The following CDC14A variants were observed in gnomAD, a reference collection of about 807,000 sequenced individuals.
The protein encoded by CDC14A is cell division cycle 14A.
In CDC14A, 53 loss-of-function variants were observed where a neutral mutation model predicts 74.4. That is an observed-to-expected ratio of 0.71 (90% CI 0.57 to 0.89). The LOEUF (loss-of-function observed/expected upper bound fraction) is 0.89, where lower values mean the gene tolerates loss of function less well. Ranked by LOEUF, CDC14A falls within the 40% of genes least tolerant of loss-of-function variation. CDC14A has a pLI of 0.00. For synonymous variants in CDC14A, 247 were observed against 258.4 expected (o/e 0.96, Z 0.43); for missense variants, 646 against 713.7 (o/e 0.91, Z 1.08).
intron 11 of CDC14A, among the ~76,000 whole-genome samples, chr1:100,491,572 ATTTTT>A (rs59429516): frequency 1.6e-4 from 4 of 25,104 alleles, no homozygotes; most frequent in Admixed American, 6.1e-4. Flanking sequence ...ATATATATAT[ATTTTT>A]TTTTTTTTTT....
intron 4 of CDC14A, among the ~76,000 whole-genome samples, chr1:100,398,739 G>A (rs1333669144): frequency 6.6e-6 from 1 of 152,064 alleles, no homozygotes; most frequent in African/African-American, 2.4e-5. Context: ...TCTAACAAAT[G>A]TTTTTTTGAG....
chr1:100,350,769 C>T (rs1275486554), upstream of CDC14A, among the ~76,000 whole-genome samples: 1 of 152,330 alleles, frequency 6.6e-6, no homozygotes, highest in African/African-American at 2.4e-5. Flanking sequence ...TTTAAATCAG[C>T]ATCTTCGGAA....
intron 8 of CDC14A, among the ~76,000 whole-genome samples, chr1:100,459,126 C>CACAGAGAGAGAG (rs1279905046): frequency 6.2e-5 from 9 of 144,574 alleles, no homozygotes; most frequent in African/African-American, 2.3e-4. Context: ...CACACACACA[C>CACAGAGAGAGAG]AGAGAGAGAG....
chr1:100,454,126 T>C (rs1359745307), intron 7 of CDC14A, among the ~76,000 whole-genome samples: 1 of 152,248 alleles, frequency 6.6e-6, no homozygotes, highest in African/African-American at 2.4e-5. Flanking sequence ...GTAATTAAAG[T>C]AATGGCTCCA....
At chr1:100,478,891 G>A (rs969647394) in intron 10 of CDC14A, among the ~76,000 whole-genome samples, 1 of 152,150 alleles carries the variant, frequency 6.6e-6, no homozygotes, top group African/African-American at 2.4e-5. Flanking sequence ...GAATTGTTGG[G>A]GGATCTTGTT....
At chr1:100,491,544 C>CTATATATA (rs1557821650) in intron 11 of CDC14A, among the ~76,000 whole-genome samples, 2 of 41,330 alleles carry the variant, frequency 4.8e-5, no homozygotes, top group South Asian at 9.4e-4. Context: ...CTCTCTCTCT[C>CTATATATA]TCTCTATATA....
intron 8 of CDC14A, among the ~76,000 whole-genome samples, chr1:100,456,773 CAT>C (rs1433010551): frequency 6.6e-6 from 1 of 152,112 alleles, no homozygotes; most frequent in East Asian, 1.9e-4. Flanking sequence ...ATACCTGTGA[CAT>C]ATTTAATAGG....
intron 4 of CDC14A, among the ~76,000 whole-genome samples, chr1:100,409,314 G>C (rs1006617776): frequency 4.6e-5 from 7 of 152,102 alleles, no homozygotes; most frequent in Admixed American, 3.9e-4. Context: ...GATGAGATTT[G>C]GGTGGGGACA....
In CDC14A at chr1:100,457,217, A is replaced by G. The variant is rs564000821; in HGVS notation, c.607+1725A>G. Reference sequence around the variant, plus strand: ...AGAGATATAATTGTAAAAGCCATTTAAAAGTTTTTATGTATATAGACATTG... The same window carrying G: ...AGAGATATAATTGTAAAAGCCATTTGAAAGTTTTTATGTATATAGACATTG... On this transcript the variant is annotated intron_variant, in intron 8 of 15. Coordinates refer to ENST00000336454, the MANE Select transcript of CDC14A (RefSeq NM_003672.4). Among the ~76,000 whole-genome samples, 11 of 152,348 alleles carry G rather than the reference A, an allele frequency of 7.2e-5. No homozygotes were observed. In the South Asian group the frequency reaches 2.3e-3, roughly 32 times the overall value.
chr1:100,487,332 A>G (rs1670121933), intron 11 of CDC14A, among the ~76,000 whole-genome samples: 1 of 151,986 alleles, frequency 6.6e-6, no homozygotes, highest in African/African-American at 2.4e-5. Flanking sequence ...GCTGAGGCAG[A>G]TGGATCACTT....
chr1:100,483,366 A>G (rs987515253), intron 10 of CDC14A, among the ~76,000 whole-genome samples: 13 of 152,118 alleles, frequency 8.5e-5, no homozygotes, highest in Non-Finnish European at 1.8e-4. Flanking sequence ...ATTTTATGTG[A>G]TATGTGAAAT....
intron 6 of CDC14A, among the ~76,000 whole-genome samples, chr1:100,441,079 A>G (rs1664872636): frequency 6.6e-6 from 1 of 152,148 alleles, no homozygotes; most frequent in African/African-American, 2.4e-5. Context: ...ATTTATCGTC[A>G]CTATTATTAT....
intron 4 of CDC14A, among the ~76,000 whole-genome samples, chr1:100,414,176 T>C (rs571624554): frequency 2.0e-5 from 3 of 152,268 alleles, no homozygotes; most frequent in African/African-American, 7.2e-5. Context: ...AGTCAAAATA[T>C]TATCCTTGGC....
At chr1:100,412,878 A>G (rs1661057260) in intron 4 of CDC14A, among the ~76,000 whole-genome samples, 1 of 147,758 alleles carries the variant, frequency 6.8e-6, no homozygotes, top group Non-Finnish European at 1.5e-5. Context: ...TTAGTAAGCT[A>G]AAGTATGTAG....
chr1:100,501,888 T>C (rs909655051), intron 15 of CDC14A, among the ~76,000 whole-genome samples: 5 of 152,008 alleles, frequency 3.3e-5, no homozygotes, highest in Non-Finnish European at 7.4e-5. Flanking sequence ...ATTTAGAAAG[T>C]AAATACTAAA....
chr1:100,383,052 G>T (rs1426847390), intron 3 of CDC14A, among the ~76,000 whole-genome samples: 1 of 152,180 alleles, frequency 6.6e-6, no homozygotes, highest in Non-Finnish European at 1.5e-5. Flanking sequence ...CTGGCTCATA[G>T]GTTTGTGGGG....
intron 15 of CDC14A, among the ~76,000 whole-genome samples, chr1:100,507,490 G>A (rs1649339553): frequency 6.6e-6 from 1 of 151,490 alleles, no homozygotes; most frequent in South Asian, 2.1e-4. Flanking sequence ...TGTAGAGAGA[G>A]TGTCTTGCTA....
Position 100,478,723 on chromosome 1 carries a change from T to C in CDC14A, c.978-5569T>C, listed in dbSNP as rs534781390. Among the ~76,000 whole-genome samples, 9 of 152,336 alleles carry C rather than the reference T, an allele frequency of 5.9e-5. No homozygotes were observed. In the South Asian group the frequency reaches 1.7e-3, roughly 28 times the overall value. ...GAAGCACAGTATTATGGTTGAACTC[T>C]TTTTCATTCTTAAATCCATAAACCA... is the stretch of plus-strand genomic sequence containing the variant. On this transcript the variant is annotated intron_variant, in intron 10 of 15. Coordinates refer to ENST00000336454, the MANE Select transcript of CDC14A (RefSeq NM_003672.4).
intron 15 of CDC14A, among the ~76,000 whole-genome samples, chr1:100,502,715 G>A (rs544146307): frequency 6.4e-4 from 97 of 152,212 alleles, no homozygotes; most frequent in Non-Finnish European, 1.2e-3. Flanking sequence ...TTTGCTGGTA[G>A]AACCATGGGG....
Sources: gnomAD v4.1 joint callset for allele counts (sites outside exome capture counted in the v4.1 genomes callset) on GRCh38, gnomAD v4.1.1 for gene constraint, MANE v1.5 for transcripts, NCBI Gene and HGNC (gene_info 2026-07-23, HGNC 2026-07-21) for gene names.